Variants in DOCK2 observed in about 807,000 individuals in gnomAD.
DOCK2 encodes dedicator of cytokinesis protein 2.
A neutral mutation model predicts 248.9 loss-of-function variants in DOCK2; 87 were observed. The observed-to-expected ratio is 0.35, with a 90% CI of 0.29 to 0.42. DOCK2 has a LOEUF of 0.42. Among genes scored for constraint, DOCK2 ranks in the 10% least tolerant of loss-of-function variants. DOCK2 has a pLI of 1.00. For synonymous variants in DOCK2, 805 were observed against 821.6 expected (o/e 0.98, Z 0.35); for missense variants, 1,747 against 2,300.2 (o/e 0.76, Z 4.92).
rs1156909096 is a variant in DOCK2, at chr5:170,042,029, G to A, written c.3773G>A (p.Cys1258Tyr). The change falls in exon 38 of 52, where the codon TGT becomes TAT. Residue 1258 changes from cysteine (C) to tyrosine (Y), a missense_variant. This residue lies in a region of DOCK2 where 858 missense variants were observed against 1,183.5 expected (regional missense o/e 0.72). Transcript: ENST00000520908. ...TWLLKWSDEQ[C>Y]ASQVMQTGQQ... ...TCTTCACAGTGGTCGGATGAGCAGT[G>A]TGCATCACAGGTCATGCAGACAGGC... is the stretch of plus-strand genomic sequence containing the variant. 6.2e-7 allele frequency: 1 copy of A among 1,613,572 alleles called. No homozygotes were observed. Among genetic ancestry groups the A allele is most frequent in the South Asian group, 1.1e-5 (1 of 91,052 alleles).
chr5:170,080,496 C>T, intron 50 of DOCK2: 2 of 666,724 alleles, frequency 3.0e-6, no homozygotes, highest in Non-Finnish European at 4.9e-6. Context: ...CCAGCAGGGA[C>T]AGGGGAGAGG....
intron 27 of DOCK2, among the ~76,000 whole-genome samples, chr5:169,932,379 G>A (rs1166143572): frequency 6.6e-6 from 1 of 152,144 alleles, no homozygotes; most frequent in Non-Finnish European, 1.5e-5. Flanking sequence ...GAAGAAAAGG[G>A]GAAAAGGCAG....
intron 29 of DOCK2, among the ~76,000 whole-genome samples, chr5:169,986,224 T>C (rs573232634): frequency 3.0e-4 from 45 of 152,302 alleles, no homozygotes; most frequent in African/African-American, 1.1e-3. Flanking sequence ...TATATTATTT[T>C]AATTTTTAAA....
intron 27 of DOCK2, among the ~76,000 whole-genome samples, chr5:169,936,273 G>A (rs80261067): frequency 0.014 from 2,181 of 152,276 alleles, 20 homozygotes; most frequent in Middle Eastern, 0.048. Flanking sequence ...GATAATGTCC[G>A]TGCTTCAACG....
intron 25 of DOCK2, among the ~76,000 whole-genome samples, chr5:169,788,897 C>G (rs1360125121): frequency 6.6e-6 from 1 of 152,008 alleles, no homozygotes; most frequent in Admixed American, 6.6e-5. Context: ...TATGGGTAAA[C>G]TTGTGTCATG....
chr5:169,660,313 G>A (rs943497778), intron 2 of DOCK2, among the ~76,000 whole-genome samples: 2 of 152,140 alleles, frequency 1.3e-5, no homozygotes, highest in African/African-American at 4.8e-5. Context: ...CAGACTCAGA[G>A]GCAGAGTGAG....
intron 36 of DOCK2, among the ~76,000 whole-genome samples, chr5:170,036,791 CAG>C (rs1756338656): frequency 6.6e-6 from 1 of 152,222 alleles, no homozygotes; most frequent in Non-Finnish European, 1.5e-5. Context: ...GTTGTTCCCA[CAG>C]ATCATATTTT....
chr5:169,894,663 C>CA lies in DOCK2; in HGVS notation c.2799+53812dup, dbSNP rs1363587892. ...ATGACTGCAGTGCCATTAAAGAGCCCACTCTTCATTTCTGAGATGAGTAAA... is the reference window on the plus strand; with the variant it reads ...ATGACTGCAGTGCCATTAAAGAGCCCAACTCTTCATTTCTGAGATGAGTAAA... On this transcript the variant is annotated intron_variant, in intron 27 of 51. Transcript: ENST00000520908. Among the ~76,000 whole-genome samples, 4 of 152,162 alleles carry CA rather than the reference C, an allele frequency of 2.6e-5. No homozygotes were observed. The East Asian group carries it at 5.8e-4, about 22-fold the overall frequency.
Position 169,898,022 on chromosome 5 carries a change from A to G in DOCK2, c.2799+57170A>G, listed in dbSNP as rs2113566380. On this transcript the variant is annotated intron_variant, in intron 27 of 51. Transcript: ENST00000520908. ...TTCTTTAAGATGAAGAGTATTAGGA[A>G]ATAATTCGGCTGAGCAATTGTGAGT... 2.0e-5 allele frequency among the ~76,000 whole-genome samples: 3 copies of G among 152,358 alleles called. 1 individual carries two copies. In the Middle Eastern group the frequency reaches 0.01, roughly 518 times the overall value.
At chr5:169,714,305 G>A in intron 18 of DOCK2, 55 bp from the exon 19 acceptor site, 1 of 1,613,024 alleles carries the variant, frequency 6.2e-7, no homozygotes, top group South Asian at 1.1e-5. Context: ...AGGAGGTCCT[G>A]ATATGGACAG....
intron 1 of DOCK2, among the ~76,000 whole-genome samples, chr5:169,641,394 T>C (rs947033043): frequency 1.3e-5 from 2 of 152,318 alleles, no homozygotes; most frequent in South Asian, 2.1e-4. Context: ...ATGTGGGTGA[T>C]GCTGTCGCAG....
chr5:169,753,186 C>T (rs559479727), intron 23 of DOCK2, among the ~76,000 whole-genome samples: 5 of 152,286 alleles, frequency 3.3e-5, no homozygotes, highest in Admixed American at 6.5e-5. Context: ...TAACAACAAC[C>T]TTATAAGACA....
chr5:169,982,692 A>G (rs1012946065), intron 27 of DOCK2, among the ~76,000 whole-genome samples: 44 of 152,224 alleles, frequency 2.9e-4, no homozygotes, highest in African/African-American at 8.2e-4. Flanking sequence ...TCAAGGTGCT[A>G]AAGGAGCCAC....
In DOCK2 at chr5:169,972,546, T is replaced by C. The variant is rs1008013014; in HGVS notation, c.2800-10522T>C. 4.6e-3 allele frequency among the ~76,000 whole-genome samples: 356 copies of C among 76,848 alleles called. 5 individuals are homozygous for C. The highest frequency in any genetic ancestry group is 0.015 in the African/African-American group (338 of 23,258). 50.4% of individuals were successfully genotyped at this position (76,848 alleles called of 152,430 possible). On this transcript the variant is annotated intron_variant, in intron 27 of 51. Coordinates refer to ENST00000520908, the MANE Select transcript of DOCK2 (RefSeq NM_004946.3). ...CAGTTAAGAGCCACTGTGAGACAGA[T>C]AGATAGATAGATAGATAGATAGATA...
intron 32 of DOCK2, among the ~76,000 whole-genome samples, chr5:170,009,829 G>A (rs1184947593): frequency 1.3e-5 from 2 of 152,174 alleles, no homozygotes; most frequent in African/African-American, 2.4e-5. Context: ...TGCGTTCTGT[G>A]GTTGCTGATA....
intron 9 of DOCK2, among the ~76,000 whole-genome samples, chr5:169,693,661 T>TG (rs1406732849): frequency 4.6e-5 from 7 of 151,738 alleles, no homozygotes; most frequent in African/African-American, 1.7e-4. Flanking sequence ...GATGATGGGG[T>TG]GGGGGGTCTT....
rs117403717 is a variant in DOCK2, at chr5:169,696,625, C to A, written c.979+687C>A. On this transcript the variant is annotated intron_variant, in intron 10 of 51. Transcript: ENST00000520908. The stretch of plus-strand genomic sequence containing the variant: ...CCTGTGAAAATGGCAATTTGATATG[C>A]CAGTTTTCTTTTTATTAAAATATAA... Among the ~76,000 whole-genome samples, 435 of 152,278 alleles carry A rather than the reference C, an allele frequency of 2.9e-3. 17 individuals carry two copies. In the East Asian group the frequency reaches 0.072, roughly 25 times the overall value.
At chr5:169,833,341 C>G (rs1164990371) in intron 26 of DOCK2, among the ~76,000 whole-genome samples, 1 of 152,104 alleles carries the variant, frequency 6.6e-6, no homozygotes, top group African/African-American at 2.4e-5. Context: ...TATTTTTCCT[C>G]CCTCTTGAAA....
chr5:169,656,793 A>G (rs1758146559), intron 2 of DOCK2, among the ~76,000 whole-genome samples: 3 of 152,312 alleles, frequency 2.0e-5, no homozygotes, highest in African/African-American at 7.2e-5. Flanking sequence ...AACCTCCCAC[A>G]CAGGCTGCCA....
Sources: allele counts gnomAD v4.1 joint callset (sites outside exome capture counted in the v4.1 genomes callset), GRCh38; gene constraint gnomAD v4.1.1; regional missense constraint gnomAD v4.1.1; transcripts MANE v1.5; gene names NCBI Gene and HGNC (gene_info 2026-07-23, HGNC 2026-07-21).